Variants in SCHIP1 observed in about 807,000 individuals in gnomAD.
SCHIP1 encodes the protein schwannomin interacting protein 1, also known as schwannomin-interacting protein 1.
A neutral mutation model predicts 29.7 loss-of-function variants in SCHIP1; 8 were observed. The observed-to-expected ratio is 0.27, with a 90% CI of 0.16 to 0.49. The LOEUF (loss-of-function observed/expected upper bound fraction) is 0.49. Ranked by LOEUF, SCHIP1 falls within the 20% of genes least tolerant of loss-of-function variation. The pLI is 0.99. For synonymous variants in SCHIP1, 76 were observed against 94.9 expected (o/e 0.80, Z 1.16); for missense variants, 193 against 294.6 (o/e 0.66, Z 2.52).
the SCHIP1 span, among the ~76,000 whole-genome samples, chr3:159,287,407 G>A: frequency 6.6e-6 from 1 of 151,740 alleles, no homozygotes; most frequent in African/African-American, 2.4e-5. Context: ...TAGCTGGGCT[G>A]GGTATAAAAC....
chr3:159,688,362 C>A, the SCHIP1 span, among the ~76,000 whole-genome samples: 1 of 152,162 alleles, frequency 6.6e-6, no homozygotes, highest in Non-Finnish European at 1.5e-5. Flanking sequence ...TGATGATGAG[C>A]TTTTTTTCAT....
chr3:159,537,174 G>A, the SCHIP1 span, among the ~76,000 whole-genome samples: 9 of 152,148 alleles, frequency 5.9e-5, no homozygotes, highest in African/African-American at 2.2e-4. Flanking sequence ...AAGGAATTCA[G>A]ACCAAGGAGG....
chr3:159,508,366 T>C, the SCHIP1 span, among the ~76,000 whole-genome samples: 1 of 152,188 alleles, frequency 6.6e-6, no homozygotes, highest in Non-Finnish European at 1.5e-5. Context: ...TTTTCTTCTT[T>C]ATTTGTCTTG....
the SCHIP1 span, among the ~76,000 whole-genome samples, chr3:159,569,527 A>G: frequency 2.6e-5 from 4 of 152,124 alleles, no homozygotes; most frequent in African/African-American, 9.7e-5. Flanking sequence ...ATAGTGTTCC[A>G]TGGTGTATTA....
chr3:159,584,496 A>G, the SCHIP1 span, among the ~76,000 whole-genome samples: 2,366 of 152,292 alleles, frequency 0.016, 66 homozygotes, highest in African/African-American at 0.053. Flanking sequence ...CATTGTGGTT[A>G]AGAAGTTTAA....
At chr3:159,620,201 A>T in the SCHIP1 span, among the ~76,000 whole-genome samples, 1 of 152,182 alleles carries the variant, frequency 6.6e-6, no homozygotes, top group Non-Finnish European at 1.5e-5. Context: ...TTTGAAGCAT[A>T]ACACTTCATG....
At chr3:159,409,442 G>A in the SCHIP1 span, among the ~76,000 whole-genome samples, 1 of 151,964 alleles carries the variant, frequency 6.6e-6, no homozygotes, top group Non-Finnish European at 1.5e-5. Context: ...TAAAATTGCA[G>A]GATACAAAAT....
the SCHIP1 span, among the ~76,000 whole-genome samples, chr3:159,501,669 A>G: frequency 1.3e-5 from 2 of 152,200 alleles, no homozygotes; most frequent in African/African-American, 4.8e-5. Context: ...AATTATGATT[A>G]CTCAATTTCA....
chr3:159,832,732 C>T, the SCHIP1 span, among the ~76,000 whole-genome samples: 1 of 152,182 alleles, frequency 6.6e-6, no homozygotes, highest in Non-Finnish European at 1.5e-5. Flanking sequence ...TGTTAGTTTT[C>T]ATTCTCTTCT....
the SCHIP1 span, among the ~76,000 whole-genome samples, chr3:159,503,766 G>A: frequency 6.6e-6 from 1 of 152,174 alleles, no homozygotes; most frequent in Non-Finnish European, 1.5e-5. Flanking sequence ...TCAATTTGAT[G>A]TTGCCAACAA....
At chr3:159,615,427 G>A in the SCHIP1 span, among the ~76,000 whole-genome samples, 1 of 152,242 alleles carries the variant, frequency 6.6e-6, no homozygotes, top group South Asian at 2.1e-4. Flanking sequence ...ACAGCCAGGT[G>A]GCTGATTAGG....
At chr3:159,468,892 A>C in the SCHIP1 span, among the ~76,000 whole-genome samples, 1 of 150,966 alleles carries the variant, frequency 6.6e-6, no homozygotes, top group Admixed American at 6.6e-5. Flanking sequence ...TCAGCCTCCC[A>C]AGTAGCTGGG....
At chr3:159,461,983 G>C in the SCHIP1 span, among the ~76,000 whole-genome samples, 6 of 152,096 alleles carry the variant, frequency 3.9e-5, no homozygotes, top group Non-Finnish European at 8.8e-5. Flanking sequence ...GCCGAGGTGG[G>C]CGGATCACCT....
the SCHIP1 span, among the ~76,000 whole-genome samples, chr3:159,496,479 A>T: frequency 6.6e-6 from 1 of 152,366 alleles, no homozygotes; most frequent in East Asian, 1.9e-4. Flanking sequence ...GAAGACATTT[A>T]TGCAGCCAAA....
intron 2 of SCHIP1, among the ~76,000 whole-genome samples, chr3:159,884,961 A>G (rs1397178063): frequency 2.6e-5 from 4 of 152,104 alleles, no homozygotes; most frequent in African/African-American, 9.7e-5. Context: ...GTAAGCTGGG[A>G]TTTTCAGTAA....
At chr3:159,511,026 T>A in the SCHIP1 span, among the ~76,000 whole-genome samples, 1 of 152,138 alleles carries the variant, frequency 6.6e-6, no homozygotes, top group Admixed American at 6.5e-5. Context: ...TCTGCAGAGG[T>A]TTCTGCTGCC....
At chr3:159,427,658 T>C in the SCHIP1 span, among the ~76,000 whole-genome samples, 3 of 151,066 alleles carry the variant, frequency 2.0e-5, no homozygotes, top group Non-Finnish European at 4.5e-5. Flanking sequence ...CCCATCAAGC[T>C]ACCAATGACT....
intron 2 of SCHIP1, among the ~76,000 whole-genome samples, chr3:159,878,605 C>T: frequency 6.6e-6 from 1 of 150,786 alleles, no homozygotes; most frequent in African/African-American, 2.4e-5. Context: ...GGTGAAACCC[C>T]GTCTCTACTA....
the SCHIP1 span, among the ~76,000 whole-genome samples, chr3:159,540,076 T>G: frequency 2.0e-5 from 3 of 152,024 alleles, no homozygotes; most frequent in Non-Finnish European, 2.9e-5. Context: ...ACCTCTCCCT[T>G]ACTCCTTCTC....
Sources: allele counts gnomAD v4.1 joint callset (sites outside exome capture counted in the v4.1 genomes callset), GRCh38; gene constraint gnomAD v4.1.1; transcripts MANE v1.5; gene names NCBI Gene and HGNC (gene_info 2026-07-23, HGNC 2026-07-21).